The following PDE3A variants were observed in gnomAD, a reference collection of about 807,000 sequenced individuals.
PDE3A encodes phosphodiesterase 3A.
A neutral mutation model predicts 98.3 loss-of-function variants in PDE3A; 43 were observed. The ratio of observed to expected loss-of-function variants is 0.44; its 90% CI spans 0.34 to 0.56. The LOEUF (loss-of-function observed/expected upper bound fraction) is 0.56. Among genes scored for constraint, PDE3A ranks in the 20% least tolerant of loss-of-function variants. The probability of loss-of-function intolerance (pLI) is 0.01; values close to 1 mark genes in which losing one functional copy is unlikely to be tolerated. For synonymous variants in PDE3A, 663 were observed against 567.9 expected (o/e 1.17, Z -2.38); for missense variants, 1,427 against 1,440.7 (o/e 0.99, Z 0.15).
intron 1 of PDE3A, among the ~76,000 whole-genome samples, chr12:20,436,459 A>G (rs1458965925): frequency 6.6e-6 from 1 of 152,138 alleles, no homozygotes; most frequent in Non-Finnish European, 1.5e-5. Context: ...TTTTCCCAAG[A>G]CTTTTATGGC....
At chr12:20,529,936 TA>T (rs62810562) in intron 1 of PDE3A, among the ~76,000 whole-genome samples, 6,161 of 152,218 alleles carry the variant, frequency 0.04, 439 homozygotes, top group African/African-American at 0.14. Context: ...TCTCTAGAAA[TA>T]AAACTTTTTA....
At chr12:20,477,638 T>A (rs537182314) in intron 1 of PDE3A, among the ~76,000 whole-genome samples, 1 of 152,114 alleles carries the variant, frequency 6.6e-6, no homozygotes, top group Non-Finnish European at 1.5e-5. Context: ...TAAAAGGGAG[T>A]GAAGGATTTG....
rs75851941 is a variant in PDE3A at position 20,400,379 on chromosome 12, G to GT, written c.960+30180dup. On this transcript the variant is annotated intron_variant, in intron 1 of 15. Transcript: ENST00000359062. ...AGCTCATGTTGACTCGTTAACATTG[G>GT]TTTTTTTTTTTTTTTTTTTTTTTTT... 4.8e-4 allele frequency among the ~76,000 whole-genome samples: 53 copies of GT among 110,248 alleles called. 1 individual carries two copies. Among genetic ancestry groups the GT allele is most frequent in the South Asian group, 1.1e-3 (4 of 3,518 alleles). 72.3% of individuals were successfully genotyped at this position (110,248 alleles called of 152,430 possible).
chr12:20,623,332 C>T (rs889768680), intron 5 of PDE3A, among the ~76,000 whole-genome samples: 24 of 151,988 alleles, frequency 1.6e-4, no homozygotes, highest in African/African-American at 5.6e-4. Context: ...GAAACTCACA[C>T]GTAGATACAA....
At chr12:20,666,761 ATATAC>A (rs1224581463) in intron 15 of PDE3A, among the ~76,000 whole-genome samples, 14 of 152,136 alleles carry the variant, frequency 9.2e-5, no homozygotes, top group African/African-American at 3.1e-4. Context: ...TATCTTTTTA[ATATAC>A]TAATTTCTTT....
intron 1 of PDE3A, among the ~76,000 whole-genome samples, chr12:20,543,260 GT>G (rs63600561): frequency 6.7e-5 from 10 of 148,640 alleles, no homozygotes; most frequent in Non-Finnish European, 1.0e-4. Context: ...TGGTTTGTTT[GT>G]TTTTTTTTTA....
At chr12:20,503,323 TCTGATGC>T (rs1190117803) in intron 1 of PDE3A, among the ~76,000 whole-genome samples, 1 of 152,086 alleles carries the variant, frequency 6.6e-6, no homozygotes, top group African/African-American at 2.4e-5. Flanking sequence ...ATCTAGTGTT[TCTGATGC>T]CTGGACTTTA....
At chr12:20,524,791 C>T (rs1211253788) in intron 1 of PDE3A, among the ~76,000 whole-genome samples, 1 of 152,062 alleles carries the variant, frequency 6.6e-6, no homozygotes, top group Non-Finnish European at 1.5e-5. Context: ...TGTCTCACCC[C>T]ATTCCTTGCC....
At chr12:20,616,203 G>T in intron 3 of PDE3A, 27 bp from the exon 4 acceptor site, 2 of 1,604,760 alleles carry the variant, frequency 1.2e-6, no homozygotes, top group South Asian at 2.2e-5. Context: ...AAATATTCTG[G>T]GTAATGAAGT....
chr12:20,457,253 A>G (rs1027197370), intron 1 of PDE3A, among the ~76,000 whole-genome samples: 6 of 150,962 alleles, frequency 4.0e-5, no homozygotes, highest in African/African-American at 1.2e-4. Context: ...TTATTATTCT[A>G]TTATATATTA....
At chr12:20,641,590 A>G (rs1490384406) in intron 10 of PDE3A, among the ~76,000 whole-genome samples, 2 of 152,190 alleles carry the variant, frequency 1.3e-5, no homozygotes, top group Admixed American at 1.3e-4. Context: ...GCCATAGCAA[A>G]GTTCCACTGA....
intron 1 of PDE3A, among the ~76,000 whole-genome samples, chr12:20,506,099 G>GGTGT (rs56148951): frequency 1.3e-3 from 192 of 148,906 alleles, no homozygotes; most frequent in African/African-American, 2.5e-3. Context: ...TCTAAAGGAA[G>GGTGT]GTGTGTGTGT....
At chr12:20,549,914 C>G (rs1007727505) in intron 1 of PDE3A, among the ~76,000 whole-genome samples, 2 of 152,118 alleles carry the variant, frequency 1.3e-5, no homozygotes, top group African/African-American at 4.8e-5. Context: ...ATGCATCTTA[C>G]AAGCTCTGAT....
At chr12:20,501,643 C>T (rs1292761045) in intron 1 of PDE3A, among the ~76,000 whole-genome samples, 1 of 152,024 alleles carries the variant, frequency 6.6e-6, no homozygotes, top group South Asian at 2.1e-4. Context: ...AGAAGAGTTA[C>T]TTTTTGTTCA....
Position 20,552,185 on chromosome 12 carries a change from A to G in PDE3A, c.961-4475A>G, listed in dbSNP as rs1942228046. The stretch of plus-strand genomic sequence containing the variant: ...AACTGCTTTGCTCCCATCAATGACC[A>G]AGAAGGGGCCGAGGCCAAGGACTGG... On this transcript the variant is annotated intron_variant, in intron 1 of 15. Coordinates refer to ENST00000359062, the MANE Select transcript of PDE3A (RefSeq NM_000921.5). This position sits in a 1 kb window ranked among gnomAD's most constrained non-coding sequence, Gnocchi z 5.1. 6.2e-7 allele frequency: 1 copy of G among 1,613,840 alleles called. No homozygotes were observed. The highest frequency in any genetic ancestry group is 1.7e-5 in the Admixed American group (1 of 60,018).
intron 1 of PDE3A, among the ~76,000 whole-genome samples, chr12:20,461,456 T>C (rs1170919861): frequency 6.6e-6 from 1 of 152,184 alleles, no homozygotes; most frequent in East Asian, 1.9e-4. Context: ...GTCCATAACA[T>C]GGTAGAATCA....
At chr12:20,658,195 A>G (rs538715796) in intron 15 of PDE3A, among the ~76,000 whole-genome samples, 28 of 152,306 alleles carry the variant, frequency 1.8e-4, no homozygotes, top group Middle Eastern at 3.4e-3. Flanking sequence ...TTAAATTTCA[A>G]TTGTATCTAC....
intron 15 of PDE3A, among the ~76,000 whole-genome samples, chr12:20,667,814 G>A (rs1448714945): frequency 1.3e-5 from 2 of 152,132 alleles, no homozygotes; most frequent in Non-Finnish European, 2.9e-5. Flanking sequence ...TAATGTATTG[G>A]TATTTTAAAA....
intron 15 of PDE3A, among the ~76,000 whole-genome samples, chr12:20,665,875 C>T: frequency 6.6e-6 from 1 of 150,422 alleles, no homozygotes; most frequent in African/African-American, 2.4e-5. Flanking sequence ...ATGTGGGGCA[C>T]ATGATATTTT....
Sources: allele counts gnomAD v4.1 joint callset (sites outside exome capture counted in the v4.1 genomes callset), GRCh38; gene constraint gnomAD v4.1.1; non-coding constraint Gnocchi (gnomAD v3.1); transcripts MANE v1.5; gene names NCBI Gene and HGNC (gene_info 2026-07-23, HGNC 2026-07-21).